Variants in SRBD1 observed in about 807,000 individuals in gnomAD.
SRBD1 encodes the protein S1 RNA-binding domain-containing protein 1.
In SRBD1, 88 loss-of-function variants were observed where a neutral mutation model predicts 115.3. That is an observed-to-expected ratio of 0.76 (90% CI 0.64 to 0.91). The LOEUF (loss-of-function observed/expected upper bound fraction) is 0.91. Ranked by LOEUF, SRBD1 falls within the 40% of genes least tolerant of loss-of-function variation. The probability of loss-of-function intolerance (pLI) is 0.00; values close to 1 mark genes in which losing one functional copy is unlikely to be tolerated. For synonymous variants in SRBD1, 509 were observed against 407.7 expected, an observed-to-expected ratio of 1.25 and a Z score of -2.99; for missense variants, 1,385 against 1,177.4, an observed-to-expected ratio of 1.18 and a Z score of -2.58.
chr2:45,546,782 A>G lies in SRBD1; in HGVS notation c.1824T>C (p.Phe608=), dbSNP rs779851117. ...GTACRETEAY[F]ADLIMKNYFA... is the part of the protein sequence containing the mutation. Reference sequence around the variant, plus strand: ...AATAATTCTTCATTATCAGGTCAGCAAAGTAAGCTTCTGTTTCCCTGCAGG... The same window carrying G: ...AATAATTCTTCATTATCAGGTCAGCGAAGTAAGCTTCTGTTTCCCTGCAGG... The change falls in exon 14 of 21, where the codon TTT becomes TTC. Residue 608 remains phenylalanine (F), a synonymous_variant. Coordinates refer to ENST00000263736, the MANE Select transcript of SRBD1 (RefSeq NM_018079.5). 2 of 1,614,160 alleles carry G rather than the reference A, an allele frequency of 1.2e-6. No homozygotes were observed. Among genetic ancestry groups the G allele is most frequent in the Admixed American group, 1.7e-5 (1 of 60,032 alleles).
At chr2:45,418,272 A>C (rs1195407809) in intron 18 of SRBD1, 93 bp downstream of exon 18, 2 of 1,441,954 alleles carry the variant, frequency 1.4e-6, no homozygotes, top group Admixed American at 4.2e-5. Flanking sequence ...AACAATGGAC[A>C]CTTAGAAAAT....
chr2:45,539,525 G>A (rs188589665), intron 14 of SRBD1, among the ~76,000 whole-genome samples: 63 of 152,232 alleles, frequency 4.1e-4, no homozygotes, highest in African/African-American at 1.5e-3. Flanking sequence ...CTACCCCCAG[G>A]AGATCACAAT....
At chr2:45,570,673 G>C (rs1414115350) in intron 9 of SRBD1, among the ~76,000 whole-genome samples, 6 of 152,124 alleles carry the variant, frequency 3.9e-5, no homozygotes, top group African/African-American at 9.7e-5. Flanking sequence ...TTCTATAAGA[G>C]AGCACTTTTA....
intron 14 of SRBD1, among the ~76,000 whole-genome samples, chr2:45,515,286 C>G (rs1473507991): frequency 2.6e-5 from 4 of 151,936 alleles, no homozygotes; most frequent in Non-Finnish European, 5.9e-5. Flanking sequence ...TATTATTATC[C>G]CATATAGTAG....
Position 45,392,988 on chromosome 2 carries a change from G to A in SRBD1, c.2655C>T (p.Ile885=). 1 of 1,613,426 alleles carries A rather than the reference G, an allele frequency of 6.2e-7. No individual in the cohort carries two copies. Among genetic ancestry groups the A allele is most frequent in the Non-Finnish European group, 8.5e-7 (1 of 1,179,630 alleles). ...LQTTVHTLQV[I]IDGLSQPESF... The stretch of plus-strand genomic sequence containing the variant: ...TTTCAGGCTGGCTGAGACCATCTAT[G>A]ATGACCTGTAAGGTGTGTACTGTTG... The change falls in exon 20 of 21, where the codon ATC becomes ATT. Residue 885 remains isoleucine, a synonymous_variant. Transcript: ENST00000263736.
At chr2:45,429,855 C>T (rs1032811549) in intron 16 of SRBD1, among the ~76,000 whole-genome samples, 1 of 152,192 alleles carries the variant, frequency 6.6e-6, no homozygotes, top group African/African-American at 2.4e-5. Context: ...CAAATTGTCT[C>T]TGTTTGCAGA....
chr2:45,457,356 T>C (rs1386137720), intron 16 of SRBD1, among the ~76,000 whole-genome samples: 1 of 151,904 alleles, frequency 6.6e-6, no homozygotes, highest in East Asian at 1.9e-4. Flanking sequence ...GCTTTGAAAA[T>C]GGATCATCTG....
intron 4 of SRBD1, among the ~76,000 whole-genome samples, chr2:45,587,812 T>C (rs1673594767): frequency 6.6e-6 from 1 of 152,222 alleles, no homozygotes; most frequent in African/African-American, 2.4e-5. Context: ...CTCATTTAGC[T>C]AACTATTTTG....
intron 10 of SRBD1, among the ~76,000 whole-genome samples, chr2:45,555,627 A>G (rs1280871824): frequency 6.6e-6 from 1 of 150,758 alleles, no homozygotes; most frequent in Non-Finnish European, 1.5e-5. Context: ...AGTAGCTGGG[A>G]CTACAGGCGC....
At chr2:45,511,158 T>C (rs1451001737) in intron 14 of SRBD1, among the ~76,000 whole-genome samples, 2 of 152,222 alleles carry the variant, frequency 1.3e-5, no homozygotes, top group Non-Finnish European at 2.9e-5. Context: ...AAATAAAATC[T>C]ACCACCAATC....
intron 16 of SRBD1, among the ~76,000 whole-genome samples, chr2:45,456,363 G>T (rs1039891655): frequency 7.2e-5 from 11 of 151,838 alleles, no homozygotes; most frequent in Non-Finnish European, 1.6e-4. Flanking sequence ...GCTATCCCAG[G>T]TGGTCAAATG....
intron 2 of SRBD1, 131 bp from the exon 3 acceptor site, chr2:45,602,214 A>T (rs1674116818): frequency 1.9e-6 from 2 of 1,054,234 alleles, no homozygotes; most frequent in African/African-American, 3.2e-5. Flanking sequence ...GATTGAGTAC[A>T]GGCTGTGAAC....
At chr2:45,399,216 CA>C (rs1667228220) in intron 19 of SRBD1, among the ~76,000 whole-genome samples, 1 of 152,230 alleles carries the variant, frequency 6.6e-6, no homozygotes, top group African/African-American at 2.4e-5. Context: ...AGGAATGTGA[CA>C]AAATGCTGAA....
In SRBD1 at chr2:45,392,999, A is replaced by AG. The variant is rs1667046633; in HGVS notation, c.2643dup (p.Gln883ThrfsTer11). 2 of 1,613,876 alleles carry AG rather than the reference A, an allele frequency of 1.2e-6. No homozygotes were observed. Among genetic ancestry groups the AG allele is most frequent in the Non-Finnish European group, 1.7e-6 (2 of 1,179,874 alleles). ...CTGAGACCATCTATGATGACCTGTA[A>AG]GGTGTGTACTGTTGTTTGCAATCTT... is the stretch of plus-strand genomic sequence containing the variant. On this transcript the variant is annotated frameshift_variant, in exon 20 of 21. Transcript: ENST00000263736. LOFTEE classifies it high-confidence loss of function.
intron 14 of SRBD1, among the ~76,000 whole-genome samples, chr2:45,522,208 G>T (rs1166978114): frequency 6.6e-6 from 1 of 151,188 alleles, no homozygotes; most frequent in East Asian, 1.9e-4. Flanking sequence ...TTTTGACAGA[G>T]GGTCTCATTC....
chr2:45,554,976 C>T (rs1281561610), intron 10 of SRBD1, among the ~76,000 whole-genome samples: 1 of 152,122 alleles, frequency 6.6e-6, no homozygotes, highest in East Asian at 1.9e-4. Context: ...AGACTCCCAC[C>T]AAGAAGCTGA....
At position 45,602,148 on chromosome 2, in the gene SRBD1, G is replaced by A. The variant is rs754869247; in HGVS notation, c.81-65C>T. ...AAGCAAATGTCAAAGGTAAAAAAGA[G>A]ATGCAAGATTCTTGAAAAAATGATA... On this transcript the variant is annotated intron_variant, in intron 2 of 20. Coordinates refer to ENST00000263736, the MANE Select transcript of SRBD1 (RefSeq NM_018079.5). The A allele has an allele frequency of 3.0e-4, 451 of 1,518,494 alleles. 1 individual carries two copies. Among genetic ancestry groups the A allele is most frequent in the Non-Finnish European group, 3.7e-4 (415 of 1,129,418 alleles). The allele number at this position is 1,518,494 out of a possible 1,614,324, so 94.1% of individuals were successfully genotyped here.
chr2:45,420,632 T>G (rs924777040), intron 16 of SRBD1, among the ~76,000 whole-genome samples: 3 of 152,238 alleles, frequency 2.0e-5, no homozygotes, highest in African/African-American at 7.2e-5. Context: ...GCTAAGCTAT[T>G]CCTAAAATTT....
At chr2:45,578,646 T>G (rs925893658) in intron 7 of SRBD1, among the ~76,000 whole-genome samples, 2 of 152,078 alleles carry the variant, frequency 1.3e-5, no homozygotes, top group African/African-American at 4.8e-5. Flanking sequence ...CCTACAGACA[T>G]TTACATGTCC....
Sources: gnomAD v4.1 joint callset for allele counts (sites outside exome capture counted in the v4.1 genomes callset) on GRCh38, gnomAD v4.1.1 for gene constraint, MANE v1.5 for transcripts, NCBI Gene and HGNC (gene_info 2026-07-23, HGNC 2026-07-21) for gene names.